The following SNX18 variants were observed in gnomAD, a reference collection of about 807,000 sequenced individuals.
The protein encoded by SNX18 is sorting nexin-18.
Under a neutral mutation model 48.7 loss-of-function variants are expected in SNX18, and 35 were observed. The observed-to-expected ratio is 0.72, with a 90% CI of 0.55 to 0.95. The LOEUF (loss-of-function observed/expected upper bound fraction) is 0.95. SNX18 is among the 40% of genes least tolerant of loss of function. The pLI, the probability that SNX18 is intolerant of heterozygous loss-of-function variation, is 0.00. For missense variants in SNX18, 824 were observed against 871.0 expected, an observed-to-expected ratio of 0.95 and a Z score of 0.68; for synonymous variants, 492 against 384.7, an observed-to-expected ratio of 1.28 and a Z score of -3.26.
rs1038789863 is a variant in SNX18, at chr5:54,544,642, C to CT, written c.*1210_*1211insT. 7.4e-6 allele frequency: 1 copy of CT among 135,600 alleles called. No homozygotes were observed. Among genetic ancestry groups the CT allele is most frequent in the Non-Finnish European group, 1.6e-5 (1 of 63,690 alleles). The allele number at this position is 135,600 out of a possible 1,614,324, so 8.4% of individuals were successfully genotyped here. On this transcript the variant is annotated 3_prime_UTR_variant, in exon 2 of 2. Transcript: ENST00000381410. The stretch of plus-strand genomic sequence containing the variant: ...AAAAAAAGGTATTGATGAGCCCCCC[C>CT]CCCCCAGGACATTTAACCTTAAAAT...
rs771402690 is a variant in SNX18 at position 54,543,351 on chromosome 5, T to G, written c.1794T>G (p.His598Gln). 6.2e-7 allele frequency: 1 copy of G among 1,614,226 alleles called. No homozygotes were observed. The highest frequency in any genetic ancestry group is 1.7e-5 in the Admixed American group (1 of 60,026). ...GAGACTTTAAATCACAGATGCAGCA[T>G]TTCTTACAACAACAAATAATATTTT... Reference protein sequence around the residue: ...RVRDFKSQMQHFLQQQIIFFQ... With the variant: ...RVRDFKSQMQQFLQQQIIFFQ... The change falls in exon 2 of 2, where the codon CAT (histidine) becomes CAG (glutamine). Residue 598 changes from histidine (H) to glutamine (Q), a missense_variant. By Grantham distance (24) the His-to-Gln change is conservative. This residue lies in a region of SNX18 where 443 missense variants were observed against 503.6 expected (regional missense o/e 0.88). Coordinates refer to ENST00000381410, the MANE Select transcript of SNX18 (RefSeq NM_001102575.2).
At chr5:54,588,645 T>C in the SNX18 span, among the ~76,000 whole-genome samples, 1 of 152,138 alleles carries the variant, frequency 6.6e-6, no homozygotes, top group Non-Finnish European at 1.5e-5. Flanking sequence ...TGTTCTTAAA[T>C]AACCACAATC....
At chr5:54,621,587 A>C in the SNX18 span, among the ~76,000 whole-genome samples, 1 of 152,190 alleles carries the variant, frequency 6.6e-6, no homozygotes, top group African/African-American at 2.4e-5. Flanking sequence ...CACTGCAGCC[A>C]GTGGTGATGT....
chr5:54,618,952 A>T, the SNX18 span, among the ~76,000 whole-genome samples: 7 of 151,976 alleles, frequency 4.6e-5, no homozygotes, highest in East Asian at 1.4e-3. Context: ...AGTAGAAAAA[A>T]AAAGGAAACC....
At chr5:54,600,934 T>A in the SNX18 span, among the ~76,000 whole-genome samples, 1 of 151,898 alleles carries the variant, frequency 6.6e-6, no homozygotes, top group Non-Finnish European at 1.5e-5. Flanking sequence ...TATGGCACAC[T>A]TTTATCTATG....
chr5:54,615,517 G>A, the SNX18 span, among the ~76,000 whole-genome samples: 5 of 152,342 alleles, frequency 3.3e-5, no homozygotes, highest in Admixed American at 1.3e-4. Context: ...CTTAGTCACT[G>A]CTTTCATGCT....
At position 54,519,266 on chromosome 5, in the gene SNX18, G is replaced by A; in HGVS notation, c.1314G>A (p.Met438Ile). 1 of 1,614,124 alleles carries A rather than the reference G, an allele frequency of 6.2e-7. No individual in the cohort carries two copies. The change falls in exon 1 of 2, where the codon ATG (methionine) becomes ATA (isoleucine). Residue 438 changes from methionine to isoleucine, a missense_variant. Physicochemically the swap from Met to Ile is conservative, Grantham distance 10. This residue lies in a region of SNX18 where 443 missense variants were observed against 503.6 expected (regional missense o/e 0.88). Coordinates refer to ENST00000381410, the MANE Select transcript of SNX18 (RefSeq NM_001102575.2). ...GCTTCAAGTGCTTCACCAAGAAGAT[G>A]GACGACAGCGCGCTGCAGCTCAACC... ...IDGFKCFTKK[M>I]DDSALQLNHT...
the SNX18 span, among the ~76,000 whole-genome samples, chr5:54,608,561 T>C: frequency 1.3e-5 from 2 of 152,162 alleles, no homozygotes; most frequent in East Asian, 1.9e-4. Flanking sequence ...TAATGGATTG[T>C]GACCTGTTTG....
At chr5:54,528,175 A>G (rs1028381011) in intron 1 of SNX18, among the ~76,000 whole-genome samples, 10 of 151,650 alleles carry the variant, frequency 6.6e-5, no homozygotes, top group African/African-American at 2.4e-4. Context: ...CATTTTCCTC[A>G]TTAGTAAGTT....
the SNX18 span, among the ~76,000 whole-genome samples, chr5:54,601,858 G>A: frequency 6.0e-5 from 9 of 149,054 alleles, no homozygotes; most frequent in African/African-American, 1.2e-4. Flanking sequence ...ACACATGATC[G>A]GGAAAAAAAT....
intron 1 of SNX18, among the ~76,000 whole-genome samples, chr5:54,528,195 A>T (rs986816887): frequency 1.3e-5 from 2 of 152,110 alleles, no homozygotes; most frequent in African/African-American, 4.8e-5. Flanking sequence ...TTTAGTTATA[A>T]CATGTTTACT....
At chr5:54,597,393 T>A in the SNX18 span, among the ~76,000 whole-genome samples, 1 of 150,798 alleles carries the variant, frequency 6.6e-6, no homozygotes, top group Non-Finnish European at 1.5e-5. Flanking sequence ...GTTGACCTGA[T>A]AGATATCTAC....
the SNX18 span, among the ~76,000 whole-genome samples, chr5:54,646,284 T>G: frequency 6.6e-6 from 1 of 152,250 alleles, no homozygotes; most frequent in East Asian, 1.9e-4. Context: ...TTTCTTTTCT[T>G]CTGCTGCTTT....
chr5:54,557,852 A>G, the SNX18 span, among the ~76,000 whole-genome samples: 1 of 152,188 alleles, frequency 6.6e-6, no homozygotes, highest in African/African-American at 2.4e-5. Context: ...TTGAGTGCCA[A>G]CTGTGTTGGA....
chr5:54,603,539 C>T, the SNX18 span, among the ~76,000 whole-genome samples: 1 of 152,128 alleles, frequency 6.6e-6, no homozygotes, highest in African/African-American at 2.4e-5. Context: ...TGCCTGAATT[C>T]CCAGAGGAAG....
the SNX18 span, among the ~76,000 whole-genome samples, chr5:54,617,991 G>A: frequency 6.6e-6 from 1 of 152,134 alleles, no homozygotes; most frequent in Non-Finnish European, 1.5e-5. Context: ...GCATTCCAGG[G>A]TGACATAGTT....
chr5:54,521,557 G>T (rs142736832), intron 1 of SNX18, among the ~76,000 whole-genome samples: 1 of 151,768 alleles, frequency 6.6e-6, no homozygotes, highest in Non-Finnish European at 1.5e-5. Flanking sequence ...AGAAGTTAGC[G>T]TGGCATGGTG....
chr5:54,535,642 G>A (rs893520346), intron 1 of SNX18, among the ~76,000 whole-genome samples: 5 of 152,130 alleles, frequency 3.3e-5, no homozygotes, highest in Admixed American at 3.3e-4. Flanking sequence ...GGGAGAATGG[G>A]ACGTGCCAGG....
chr5:54,640,905 C>T, the SNX18 span, among the ~76,000 whole-genome samples: 1 of 152,072 alleles, frequency 6.6e-6, no homozygotes, highest in African/African-American at 2.4e-5. Context: ...ACTAAAAATA[C>T]AAAAATTAGC....
Sources: allele counts gnomAD v4.1 joint callset (sites outside exome capture counted in the v4.1 genomes callset), GRCh38; gene constraint gnomAD v4.1.1; regional missense constraint gnomAD v4.1.1; transcripts MANE v1.5; gene names NCBI Gene and HGNC (gene_info 2026-07-23, HGNC 2026-07-21).